DGKG: variants seen among roughly 807,000 people sequenced by gnomAD.
The protein encoded by DGKG is DAG kinase gamma.
DGKG carries 78 observed loss-of-function variants against 105.3 expected under a neutral mutation model. The ratio of observed to expected loss-of-function variants is 0.74; its 90% CI spans 0.62 to 0.89. The LOEUF is 0.89. DGKG is among the 40% of genes least tolerant of loss of function. DGKG has a pLI of 0.00. For synonymous variants in DGKG, 346 were observed against 367.1 expected (o/e 0.94, Z 0.66); for missense variants, 958 against 1,020.1 (o/e 0.94, Z 0.83).
At chr3:186,279,432 C>A in intron 9 of DGKG, 1 of 154,922 alleles carries the variant, frequency 6.5e-6, no homozygotes, top group Non-Finnish European at 1.4e-5. Context: ...GAAGCCACCC[C>A]CACAACAGAT....
At chr3:186,266,685 C>A (rs1324950077) in intron 13 of DGKG, among the ~76,000 whole-genome samples, 3 of 152,184 alleles carry the variant, frequency 2.0e-5, no homozygotes, top group East Asian at 3.9e-4. Context: ...GCAACCTCCA[C>A]CTCCCAGGTT....
chr3:186,187,104 A>C (rs1310361773), intron 22 of DGKG, among the ~76,000 whole-genome samples: 1 of 152,254 alleles, frequency 6.6e-6, no homozygotes, highest in Non-Finnish European at 1.5e-5. Context: ...CCTCTAGGCC[A>C]CGTGATCTTT....
intron 1 of DGKG, among the ~76,000 whole-genome samples, chr3:186,350,868 A>C (rs922213530): frequency 6.6e-6 from 1 of 152,164 alleles, no homozygotes; most frequent in Non-Finnish European, 1.5e-5. Flanking sequence ...TGAGCTTTTC[A>C]TGTGCTTATT....
chr3:186,297,294 G>C (rs919181599), intron 5 of DGKG, 127 bp downstream of exon 5: 11 of 718,346 alleles, frequency 1.5e-5, no homozygotes, highest in Non-Finnish European at 2.7e-5. Flanking sequence ...AAGGCCACAG[G>C]AGGACCAGAT....
Position 186,147,801 on chromosome 3 carries a change from A to G in DGKG, c.*2289T>C, listed in dbSNP as rs1478913814. ...TAAATGTCTTAGAATCAGTGACCCC[A>G]AACCTGAACCTGCCTCAGTTTCAGA... On this transcript the variant is annotated 3_prime_UTR_variant, in exon 25 of 25. Coordinates refer to ENST00000265022, the MANE Select transcript of DGKG (RefSeq NM_001346.3). 1.0e-6 allele frequency: 1 copy of G among 985,314 alleles called. No homozygotes were observed. Among genetic ancestry groups the G allele is most frequent in the Non-Finnish European group, 1.2e-6 (1 of 829,948 alleles). 61.0% of individuals were successfully genotyped at this position (985,314 alleles called of 1,614,324 possible).
At chr3:186,227,660 T>C (rs1719920160) in intron 20 of DGKG, among the ~76,000 whole-genome samples, 1 of 152,228 alleles carries the variant, frequency 6.6e-6, no homozygotes, top group Non-Finnish European at 1.5e-5. Context: ...TTTGGCCCAA[T>C]AATAAGTGCA....
chr3:186,280,868 C>G (rs1238708002), intron 7 of DGKG, 124 bp from the exon 8 acceptor site: 17 of 704,100 alleles, frequency 2.4e-5, no homozygotes, highest in Non-Finnish European at 3.7e-5. Flanking sequence ...GAAGCTGGTG[C>G]AGTAACTGCC....
Position 186,298,249 on chromosome 3 carries a change from C to A in DGKG, c.145-20G>T. On this transcript the variant is annotated intron_variant, in intron 3 of 24. Transcript: ENST00000265022. ...AATCGGCTGAGAAGGGGCAAAAGGG[C>A]AAAGTCAGTGGAGAGAAGCAAAGGG... 1 of 1,562,576 alleles carries A rather than the reference C, an allele frequency of 6.4e-7. No individual in the cohort carries two copies. The highest frequency in any genetic ancestry group is 2.3e-5 in the East Asian group (1 of 43,562).
chr3:186,319,210 T>C (rs972939215), intron 2 of DGKG, among the ~76,000 whole-genome samples: 1 of 152,184 alleles, frequency 6.6e-6, no homozygotes, highest in African/African-American at 2.4e-5. Context: ...TGACAAACCA[T>C]TAGCCCTATG....
rs1297734593 is a variant in DGKG at position 186,160,455 on chromosome 3, G to A, written c.2277+1148C>T. ...CGTCCTAACTCCAGCAAGGTGGAAA[G>A]CTATTATTTGATATAGTGTGTTTTC... is the stretch of plus-strand genomic sequence containing the variant. On this transcript the variant is annotated intron_variant, in intron 24 of 24. Coordinates refer to ENST00000265022, the MANE Select transcript of DGKG (RefSeq NM_001346.3). 3 of 985,266 alleles carry A rather than the reference G, an allele frequency of 3.0e-6. No homozygotes were observed. In the African/African-American group the frequency reaches 5.2e-5, roughly 17 times the overall value. The allele number at this position is 985,266 out of a possible 1,614,324, so 61.0% of individuals were successfully genotyped here. A position where few individuals can be genotyped will look rare whatever the true frequency, so the allele number is the denominator to read the frequency against.
intron 3 of DGKG, among the ~76,000 whole-genome samples, chr3:186,301,194 T>C (rs1723903584): frequency 6.6e-6 from 1 of 152,218 alleles, no homozygotes; most frequent in African/African-American, 2.4e-5. Context: ...GTTCCATACA[T>C]CTCACCTGGG....
chr3:186,201,630 C>T (rs1718470048), intron 21 of DGKG, among the ~76,000 whole-genome samples: 1 of 152,216 alleles, frequency 6.6e-6, no homozygotes, highest in African/African-American at 2.4e-5. Flanking sequence ...TGAGTGCCAG[C>T]CATCTTCCCC....
intron 21 of DGKG, among the ~76,000 whole-genome samples, chr3:186,209,314 C>G (rs1718913059): frequency 6.6e-6 from 1 of 151,956 alleles, no homozygotes; most frequent in African/African-American, 2.4e-5. Flanking sequence ...GTTGGCCAAG[C>G]TGGTCTCGAA....
At chr3:186,211,750 G>T in intron 21 of DGKG, 45 bp downstream of exon 21, 1 of 1,415,964 alleles carries the variant, frequency 7.1e-7, no homozygotes, top group Non-Finnish European at 1.0e-6. Flanking sequence ...CAGTCCAGGA[G>T]CAGAACCAAG....
At chr3:186,157,843 C>T (rs968708523) in intron 24 of DGKG, among the ~76,000 whole-genome samples, 3 of 152,034 alleles carry the variant, frequency 2.0e-5, no homozygotes, top group Non-Finnish European at 2.9e-5. Flanking sequence ...GCTGGAATTA[C>T]AGGCATGGGC....
chr3:186,341,065 C>A (rs1726063365), intron 1 of DGKG, among the ~76,000 whole-genome samples: 1 of 152,210 alleles, frequency 6.6e-6, no homozygotes, highest in Admixed American at 6.5e-5. Flanking sequence ...AGTGCCTTTT[C>A]CAAGTATTCA....
At chr3:186,160,763 C>T (rs1294184586) in intron 24 of DGKG, 20 of 985,290 alleles carry the variant, frequency 2.0e-5, no homozygotes, top group Non-Finnish European at 2.3e-5. Flanking sequence ...CCAGCAGAGG[C>T]CCTGAAAACC....
At position 186,306,926 on chromosome 3, in the gene DGKG, C is replaced by T; in HGVS notation, c.119G>A (p.Ser40Asn). Reference sequence around the variant, plus strand: ...CTCATGTGGGTCATATTGTTTGAGGCTCCCACCCTCATTAAATTCAGTCAA... The same window carrying T: ...CTCATGTGGGTCATATTGTTTGAGGTTCCCACCCTCATTAAATTCAGTCAA... ...DALTEFNEGG[S>N]LKQYDPHEPI... Residue 40 changes from serine to asparagine, a missense_variant, in exon 3 of 25, where the codon AGC becomes AAC. This residue lies in a region of DGKG where 643 missense variants were observed against 619.5 expected (regional missense o/e 1.04). Coordinates refer to ENST00000265022, the MANE Select transcript of DGKG (RefSeq NM_001346.3). 1 of 1,612,264 alleles carries T rather than the reference C, an allele frequency of 6.2e-7. No individual in the cohort carries two copies. The highest frequency in any genetic ancestry group is 8.5e-7 in the Non-Finnish European group (1 of 1,178,328).
At chr3:186,298,909 C>T (rs753145736) in intron 3 of DGKG, among the ~76,000 whole-genome samples, 3 of 152,136 alleles carry the variant, frequency 2.0e-5, no homozygotes, top group Non-Finnish European at 4.4e-5. Context: ...CAAAACATGT[C>T]CTTGTGAAGG....
Sources: allele counts gnomAD v4.1 joint callset (sites outside exome capture counted in the v4.1 genomes callset), GRCh38; gene constraint gnomAD v4.1.1; regional missense constraint gnomAD v4.1.1; transcripts MANE v1.5; gene names NCBI Gene and HGNC (gene_info 2026-07-23, HGNC 2026-07-21).